Variants in ZFYVE28 observed in about 807,000 individuals in gnomAD.
ZFYVE28 encodes lateral signaling target protein 2 homolog.
A neutral mutation model predicts 82.1 loss-of-function variants in ZFYVE28; 40 were observed. That is an observed-to-expected ratio of 0.49 (90% confidence interval 0.38 to 0.63). The LOEUF is 0.63. Among genes scored for constraint, ZFYVE28 ranks in the 30% least tolerant of loss-of-function variants. ZFYVE28 has a pLI of 0.00. For synonymous variants in ZFYVE28, 612 were observed against 546.1 expected, an observed-to-expected ratio of 1.12 and a Z score of -1.68; for missense variants, 1,321 against 1,242.1, an observed-to-expected ratio of 1.06 and a Z score of -0.96.
In ZFYVE28 at chr4:2,417,005, C is replaced by T. The variant is rs1192144592; in HGVS notation, c.39+1280G>A. On this transcript the variant is annotated intron_variant, in intron 1 of 12. Coordinates refer to ENST00000290974, the MANE Select transcript of ZFYVE28 (RefSeq NM_020972.3). This position sits in a 1 kb window ranked among gnomAD's most constrained non-coding sequence, Gnocchi z 4.8. ...CCACCTCCCGCCTTCCTGGAATGGGCGCACGCGAGGCACGGATTTCAGGAA... is the reference window on the plus strand; with the variant it reads ...CCACCTCCCGCCTTCCTGGAATGGGTGCACGCGAGGCACGGATTTCAGGAA... Among the ~76,000 whole-genome samples, 2 of 152,224 alleles carry T rather than the reference C, an allele frequency of 1.3e-5. No individual in the cohort carries two copies. The highest frequency in any genetic ancestry group is 1.3e-4 in the Admixed American group (2 of 15,288).
intron 1 of ZFYVE28, among the ~76,000 whole-genome samples, chr4:2,402,656 C>T (rs1731326263): frequency 6.6e-6 from 1 of 152,206 alleles, no homozygotes; most frequent in African/African-American, 2.4e-5. Context: ...CACAACAACA[C>T]TCACACAGAT....
intron 2 of ZFYVE28, among the ~76,000 whole-genome samples, chr4:2,351,190 G>A (rs1255432125): frequency 6.6e-6 from 1 of 152,082 alleles, no homozygotes; most frequent in East Asian, 1.9e-4. Flanking sequence ...TCAAGATGAG[G>A]TTGAATAGAG....
intron 1 of ZFYVE28, among the ~76,000 whole-genome samples, chr4:2,415,437 T>C (rs1732930216): frequency 7.4e-6 from 1 of 135,454 alleles, no homozygotes; most frequent in Admixed American, 7.1e-5. Context: ...GGCAACATAG[T>C]GAGACCCTGT....
chr4:2,293,804 C>G (rs942878327), intron 8 of ZFYVE28, among the ~76,000 whole-genome samples: 1 of 149,814 alleles, frequency 6.7e-6, no homozygotes, highest in African/African-American at 2.4e-5. Context: ...TCAGTTATAG[C>G]TATATTACCA....
intron 1 of ZFYVE28, among the ~76,000 whole-genome samples, chr4:2,406,062 A>AAAGGAAAG (rs1553867782): frequency 1.6e-5 from 2 of 125,072 alleles, no homozygotes; most frequent in African/African-American, 3.3e-5. Flanking sequence ...AAAAAAAAAA[A>AAAGGAAAG]AAAGAAAGAA....
Position 2,304,544 on chromosome 4 carries a change from A to C in ZFYVE28, c.1796T>G (p.Leu599Ter), listed in dbSNP as rs1159399390. Residue 599 changes from leucine (L) to a stop codon, truncating the protein, a stop_gained, in exon 8 of 13, where the codon TTA becomes TGA. Coordinates refer to ENST00000290974, the MANE Select transcript of ZFYVE28 (RefSeq NM_020972.3). LOFTEE classifies it high-confidence loss of function. ...AGGGGCCCTGTCGCTGGCCTTGGCT[A>C]AGCCGGCAGCGTACGAGGCACCAAT... ...GVIGASYAAG[L>*]AKASDRAPER... 1 of 1,612,592 alleles carries C rather than the reference A, an allele frequency of 6.2e-7. No homozygotes were observed. The highest frequency in any genetic ancestry group is 8.5e-7 in the Non-Finnish European group (1 of 1,179,862).
chr4:2,279,575 C>G (rs528971372), intron 8 of ZFYVE28, among the ~76,000 whole-genome samples: 79 of 152,210 alleles, frequency 5.2e-4, no homozygotes, highest in African/African-American at 1.6e-3. Flanking sequence ...GTCAGGAGAT[C>G]GAGACCATCC....
intron 7 of ZFYVE28, among the ~76,000 whole-genome samples, chr4:2,310,735 C>T (rs1375214191): frequency 1.3e-5 from 2 of 152,114 alleles, no homozygotes; most frequent in Non-Finnish European, 2.9e-5. Context: ...GCCTGGGAGG[C>T]AGAGATTGCA....
Position 2,332,529 on chromosome 4 carries a change from C to T in ZFYVE28, c.701+3176G>A, listed in dbSNP as rs1346141426. 3.3e-5 allele frequency among the ~76,000 whole-genome samples: 5 copies of T among 152,194 alleles called. No homozygotes were observed. The highest frequency in any genetic ancestry group is 3.3e-4 in the Admixed American group (5 of 15,286). On this transcript the variant is annotated intron_variant, in intron 6 of 12. Transcript: ENST00000290974. This position sits in a 1 kb window ranked among gnomAD's most constrained non-coding sequence, Gnocchi z 4.7. ...TTCCAGCATCCAGAACATTCCACAG[C>T]ACTGTGGGTCAGCCCATCTGTCCAT...
At chr4:2,313,708 A>G (rs1489819987) in intron 7 of ZFYVE28, among the ~76,000 whole-genome samples, 2 of 152,188 alleles carry the variant, frequency 1.3e-5, no homozygotes, top group Admixed American at 1.3e-4. Flanking sequence ...TGTACTGAAA[A>G]TACAAAAATT....
At chr4:2,297,879 ACGAGCGG>A (rs1714862601) in intron 8 of ZFYVE28, among the ~76,000 whole-genome samples, 2 of 143,124 alleles carry the variant, frequency 1.4e-5, no homozygotes, top group African/African-American at 5.3e-5. Flanking sequence ...ACGGCAGAGG[ACGAGCGG>A]TGACAGTGGG....
chr4:2,273,994 T>C lies in ZFYVE28; in HGVS notation c.2206+68A>G, dbSNP rs1736160891. 2.6e-6 allele frequency: 4 copies of C among 1,565,612 alleles called. No individual in the cohort carries two copies. The Admixed American group carries it at 5.2e-5, about 20-fold the overall frequency. ...AGGGGGAGGTTGTACACGCCCCGCC[T>C]GACCTCCCCTAAAGCGCAGCCCGTG... On this transcript the variant is annotated intron_variant, in intron 9 of 12. Coordinates refer to ENST00000290974, the MANE Select transcript of ZFYVE28 (RefSeq NM_020972.3).
At position 2,270,683 on chromosome 4, in the gene ZFYVE28, G is replaced by A. The variant is rs373119318; in HGVS notation, c.*42C>T. The stretch of plus-strand genomic sequence containing the variant: ...TGCAGCGTGGCCCCACCTTCCTGGG[G>A]GTTCCTGGCCCGGGTGGGTTGGGGC... On this transcript the variant is annotated 3_prime_UTR_variant, in exon 13 of 13. Transcript: ENST00000290974. The A allele has an allele frequency of 1.2e-5, 19 of 1,611,084 alleles. No homozygotes were observed. In the African/African-American group the frequency reaches 2.4e-4, roughly 20 times the overall value.
In ZFYVE28 at chr4:2,418,176, G is replaced by T; in HGVS notation, c.39+109C>A. 1 of 1,047,970 alleles carries T rather than the reference G, an allele frequency of 9.5e-7. No homozygotes were observed. Among genetic ancestry groups the T allele is most frequent in the South Asian group, 1.7e-5 (1 of 59,884 alleles). 64.9% of individuals were successfully genotyped at this position (1,047,970 alleles called of 1,614,324 possible). ...AAGGATGTCGGCGGTGGGGGAAGAG[G>T]CCGGCCACGGACAGGGAAAGGGAGT... On this transcript the variant is annotated intron_variant, in intron 1 of 12. Transcript: ENST00000290974. The surrounding 1 kb of genome is among the most constrained non-coding windows in gnomAD (Gnocchi z 4.6).
chr4:2,369,687 G>A (rs895898604), intron 1 of ZFYVE28, among the ~76,000 whole-genome samples: 7 of 151,864 alleles, frequency 4.6e-5, no homozygotes, highest in African/African-American at 9.7e-5. Flanking sequence ...TCGGTGTGAC[G>A]GGCCTGTAAG....
chr4:2,399,445 C>T (rs1730932985), intron 1 of ZFYVE28, among the ~76,000 whole-genome samples: 1 of 152,144 alleles, frequency 6.6e-6, no homozygotes, highest in South Asian at 2.1e-4. Context: ...CGCCCCTGAC[C>T]GTGCTGCCCC....
intron 1 of ZFYVE28, among the ~76,000 whole-genome samples, chr4:2,405,818 C>A (rs954520448): frequency 5.3e-5 from 8 of 152,202 alleles, no homozygotes; most frequent in African/African-American, 1.9e-4. Flanking sequence ...GAGGCCAAGG[C>A]AGGGGGATCA....
intron 1 of ZFYVE28, among the ~76,000 whole-genome samples, chr4:2,399,032 G>GGGCGAGATCCAGGGCACAAGCGTGGA (rs1553865353): frequency 1.4e-4 from 7 of 50,436 alleles, no homozygotes; most frequent in Admixed American, 8.6e-4. Context: ...GCACAAGGTG[G>GGGCGAGATCCAGGGCACAAGCGTGGA]GGTGAGATCC....
chr4:2,385,493 G>A (rs1379099465), intron 1 of ZFYVE28, among the ~76,000 whole-genome samples: 3 of 152,232 alleles, frequency 2.0e-5, no homozygotes, highest in African/African-American at 7.2e-5. Context: ...TCTCTGGACT[G>A]TCAGCTGGGA....
Sources: gnomAD v4.1 joint callset for allele counts (sites outside exome capture counted in the v4.1 genomes callset) on GRCh38, gnomAD v4.1.1 for gene constraint, Gnocchi (gnomAD v3.1) non-coding constraint, MANE v1.5 for transcripts, NCBI Gene and HGNC (gene_info 2026-07-23, HGNC 2026-07-21) for gene names.